CLEC16A: variants seen among roughly 807,000 people sequenced by gnomAD.
CLEC16A encodes protein CLEC16A.
Under a neutral mutation model 109.5 loss-of-function variants are expected in CLEC16A, and 51 were observed. The observed-to-expected ratio is 0.47, with a 90% CI of 0.37 to 0.59. CLEC16A has a LOEUF of 0.59. CLEC16A is among the 20% of genes least tolerant of loss of function. CLEC16A has a pLI of 0.00. For synonymous variants in CLEC16A, 673 were observed against 564.2 expected, an observed-to-expected ratio of 1.19 and a Z score of -2.73; for missense variants, 1,339 against 1,394.0, an observed-to-expected ratio of 0.96 and a Z score of 0.63.
chr16:10,995,605 T>C (rs2044279535), intron 10 of CLEC16A, among the ~76,000 whole-genome samples: 1 of 152,150 alleles, frequency 6.6e-6, no homozygotes, highest in Non-Finnish European at 1.5e-5. Flanking sequence ...GCAATGAAAA[T>C]TTCTCTGGTG....
chr16:11,081,343 C>A (rs749967979), intron 19 of CLEC16A, among the ~76,000 whole-genome samples: 29 of 152,286 alleles, frequency 1.9e-4, no homozygotes, highest in Non-Finnish European at 3.7e-4. Context: ...CTCTAGGGTG[C>A]CCCTGGTCTG....
rs1415118484 is a variant in CLEC16A at position 11,166,419 on chromosome 16, C to T, written c.2673C>T (p.His891=). The part of the protein sequence containing the change: ...GFAVAQCINQ[H]SSPSLSSQSP... ...CCGTGGCCCAGTGCATAAACCAGCA[C>T]AGCTCCCCGTCCCTGTCCTCACAGT... The change falls in exon 23 of 24, where the codon CAC becomes CAT. Residue 891 remains histidine, a synonymous_variant. Transcript: ENST00000409790. The T allele has an allele frequency of 6.2e-7, 1 of 1,605,712 alleles. No individual in the cohort carries two copies. The highest frequency in any genetic ancestry group is 1.1e-5 in the South Asian group (1 of 90,946).
chr16:11,065,025 C>T (rs536105484), intron 19 of CLEC16A, among the ~76,000 whole-genome samples: 2 of 152,298 alleles, frequency 1.3e-5, no homozygotes, highest in African/African-American at 4.8e-5. Context: ...CAGGTCATTG[C>T]TCGGATGATG....
intron 11 of CLEC16A, among the ~76,000 whole-genome samples, chr16:11,019,596 C>A (rs879405411): frequency 6.6e-6 from 1 of 152,132 alleles, no homozygotes; most frequent in Non-Finnish European, 1.5e-5. Flanking sequence ...TGGCGAAACT[C>A]TGTCTCTACG....
intron 19 of CLEC16A, among the ~76,000 whole-genome samples, chr16:11,107,643 T>C (rs1370306951): frequency 6.6e-6 from 1 of 152,190 alleles, no homozygotes; most frequent in Admixed American, 6.5e-5. Flanking sequence ...CCAGGTGTCC[T>C]ACCATGCTGT....
intron 19 of CLEC16A, among the ~76,000 whole-genome samples, chr16:11,118,197 A>T (rs11642542): frequency 0.7 from 106,524 of 151,854 alleles, 38,712 homozygotes; most frequent in African/African-American, 0.89. Context: ...CAAGCATTCC[A>T]CCCACCTTGG....
chr16:11,163,069 C>T (rs889939301), intron 22 of CLEC16A, among the ~76,000 whole-genome samples: 11 of 152,194 alleles, frequency 7.2e-5, no homozygotes, highest in African/African-American at 2.4e-4. Flanking sequence ...GCACCTACTT[C>T]GCAGCCCAAG....
intron 19 of CLEC16A, among the ~76,000 whole-genome samples, chr16:11,080,534 C>T (rs185272651): frequency 3.3e-5 from 5 of 152,336 alleles, no homozygotes; most frequent in East Asian, 3.9e-4. Flanking sequence ...GCGGTCCATT[C>T]GTTTCATATG....
chr16:11,063,269 CTTCTTTCCTTTTTTTTTTT>C (rs2048584743), intron 19 of CLEC16A, among the ~76,000 whole-genome samples: 1 of 119,130 alleles, frequency 8.4e-6, no homozygotes, highest in Non-Finnish European at 1.7e-5. Context: ...TGGTTTTTTT[CTTCTTTCCTTTTTTTTTTT>C]TTTTTTTTTT....
intron 7 of CLEC16A, 78 bp downstream of exon 7, chr16:10,973,139 A>G: frequency 6.7e-7 from 1 of 1,496,302 alleles, no homozygotes; most frequent in Non-Finnish European, 9.0e-7. Context: ...AAGGAAAAAT[A>G]AACACAAGAA....
Position 11,179,050 on chromosome 16 carries a change from T to C in CLEC16A, c.*360T>C. 1 of 241,614 alleles carries C rather than the reference T, an allele frequency of 4.1e-6. No individual in the cohort carries two copies. The highest frequency in any genetic ancestry group is 7.9e-6 in the Non-Finnish European group (1 of 126,420). The allele number at this position is 241,614 out of a possible 1,614,324, so 15.0% of individuals were successfully genotyped here. A position where few individuals can be genotyped will look rare whatever the true frequency, so the allele number is the denominator to read the frequency against. ...ATGGCTCCTCTGTCACCAGCCCCAG[T>C]GTGCACAGAAGAATTGGACCAGGTC... On this transcript the variant is annotated 3_prime_UTR_variant, in exon 24 of 24. Coordinates refer to ENST00000409790, the MANE Select transcript of CLEC16A (RefSeq NM_015226.3).
At chr16:10,982,381 C>T (rs1222462917) in intron 9 of CLEC16A, among the ~76,000 whole-genome samples, 1 of 152,190 alleles carries the variant, frequency 6.6e-6, no homozygotes, top group Non-Finnish European at 1.5e-5. Flanking sequence ...ACCACAGGGT[C>T]AGAGCTCCCT....
chr16:10,978,390 C>T (rs1317207879), intron 8 of CLEC16A, among the ~76,000 whole-genome samples: 1 of 152,136 alleles, frequency 6.6e-6, no homozygotes, highest in Non-Finnish European at 1.5e-5. Flanking sequence ...AGAGGTGCTC[C>T]AAGGGGATGG....
At chr16:11,116,227 TA>T in intron 19 of CLEC16A, among the ~76,000 whole-genome samples, 1 of 149,332 alleles carries the variant, frequency 6.7e-6, no homozygotes, top group Admixed American at 6.6e-5. Context: ...CTGTCTCTAC[TA>T]AAAATAAAAA....
At position 10,977,360 on chromosome 16, in the gene CLEC16A, C is replaced by T. The variant is rs1171899292; in HGVS notation, c.864C>T (p.Phe288=). 5 of 1,613,856 alleles carry T rather than the reference C, an allele frequency of 3.1e-6. No homozygotes were observed. In the Admixed American group the frequency reaches 6.7e-5, roughly 22 times the overall value. The change falls in exon 8 of 24, where the codon TTC becomes TTT. Residue 288 remains phenylalanine (F), a synonymous_variant. Transcript: ENST00000409790. ...CTGACCACCTGCTCAACAGGCTCTT[C>T]CTGCCCCTCTACGTGTACTCACTGG... The part of the protein sequence containing the change: ...VLTDHLLNRL[F]LPLYVYSLEN...
At chr16:11,040,202 A>T (rs184039965) in intron 14 of CLEC16A, 1 of 284,242 alleles carries the variant, frequency 3.5e-6, no homozygotes, top group South Asian at 6.5e-5. Flanking sequence ...AGGTAATATT[A>T]TGAGAAAGAA....
chr16:11,074,024 T>TG (rs2049212761), intron 19 of CLEC16A, among the ~76,000 whole-genome samples: 1 of 152,236 alleles, frequency 6.6e-6, no homozygotes, highest in South Asian at 2.1e-4. Context: ...CCCCCTCTAA[T>TG]GACATATACC....
At chr16:11,107,411 T>C (rs555258437) in intron 19 of CLEC16A, among the ~76,000 whole-genome samples, 1 of 152,320 alleles carries the variant, frequency 6.6e-6, no homozygotes, top group African/African-American at 2.4e-5. Flanking sequence ...AAGTAATTGA[T>C]TGCTACTTGC....
chr16:11,028,178 C>T (rs770793734), intron 13 of CLEC16A, among the ~76,000 whole-genome samples: 1 of 152,192 alleles, frequency 6.6e-6, no homozygotes, highest in Non-Finnish European at 1.5e-5. Context: ...CCAGCCTGGG[C>T]AACGAGCGAA....
Sources: allele counts gnomAD v4.1 joint callset (sites outside exome capture counted in the v4.1 genomes callset), GRCh38; gene constraint gnomAD v4.1.1; transcripts MANE v1.5; gene names NCBI Gene and HGNC (gene_info 2026-07-23, HGNC 2026-07-21).